DYM: variants seen among roughly 807,000 people sequenced by gnomAD.
DYM encodes dyggve-Melchior-Clausen syndrome protein.
DYM carries 78 observed loss-of-function variants against 93.1 expected under a neutral mutation model. The ratio of observed to expected loss-of-function variants is 0.84; its 90% CI spans 0.70 to 1.01. The LOEUF is 1.01. Ranked by LOEUF, DYM falls within the 50% of genes least tolerant of loss-of-function variation. DYM has a pLI of 0.00. For missense variants in DYM, 789 were observed against 845.0 expected, an observed-to-expected ratio of 0.93 and a Z score of 0.82; for synonymous variants, 321 against 319.7, an observed-to-expected ratio of 1.00 and a Z score of -0.04.
intron 15 of DYM, among the ~76,000 whole-genome samples, chr18:49,136,616 T>G (rs2083877974): frequency 6.6e-6 from 1 of 152,206 alleles, no homozygotes; most frequent in African/African-American, 2.4e-5. Context: ...AATTTTATTT[T>G]CCTGAGAGTC....
intron 9 of DYM, 34 bp from the exon 10 acceptor site, chr18:49,282,209 T>C: frequency 6.4e-7 from 1 of 1,565,820 alleles, no homozygotes; most frequent in South Asian, 1.1e-5. Context: ...CAGTAATTTC[T>C]AGCTGTGCTT....
At chr18:49,275,843 A>G (rs777614249) in intron 10 of DYM, among the ~76,000 whole-genome samples, 5 of 152,048 alleles carry the variant, frequency 3.3e-5, no homozygotes, top group African/African-American at 4.8e-5. Context: ...GAACAGAACT[A>G]TTTTCTTAAC....
chr18:49,289,727 GTATATATATATATATATATA>G (rs386387632), intron 8 of DYM, among the ~76,000 whole-genome samples: 1,196 of 85,080 alleles, frequency 0.014, 41 homozygotes, highest in African/African-American at 0.052. Flanking sequence ...ATATATATGT[GTATATATATATATATATATA>G]TATATATATA....
At chr18:49,237,487 G>A (rs1048673317) in intron 13 of DYM, among the ~76,000 whole-genome samples, 3 of 151,928 alleles carry the variant, frequency 2.0e-5, no homozygotes, top group Non-Finnish European at 4.4e-5. Flanking sequence ...AGGATTACTT[G>A]GAAGCAGACA....
chr18:49,197,345 T>TA (rs1034386275), intron 14 of DYM, among the ~76,000 whole-genome samples: 3 of 151,174 alleles, frequency 2.0e-5, no homozygotes, highest in African/African-American at 4.9e-5. Flanking sequence ...CCAAAAAGCA[T>TA]AAAAAAAATG....
intron 10 of DYM, 144 bp downstream of exon 10, chr18:49,281,853 A>T: frequency 1.4e-6 from 1 of 728,520 alleles, no homozygotes; most frequent in Non-Finnish European, 2.2e-6. Context: ...ACCTAATGTT[A>T]AATGACGAGT....
At chr18:49,212,278 A>C (rs1372858827) in intron 13 of DYM, among the ~76,000 whole-genome samples, 3 of 152,180 alleles carry the variant, frequency 2.0e-5, no homozygotes, top group Non-Finnish European at 2.9e-5. Context: ...TTTTACTTAA[A>C]ATAGTTTTTA....
At chr18:49,220,896 T>C (rs917752545) in intron 13 of DYM, among the ~76,000 whole-genome samples, 2 of 152,072 alleles carry the variant, frequency 1.3e-5, no homozygotes, top group Non-Finnish European at 2.9e-5. Flanking sequence ...AAAGCCAAAG[T>C]TGACAAATGG....
intron 16 of DYM, among the ~76,000 whole-genome samples, chr18:49,118,113 G>A (rs1432156871): frequency 3.4e-5 from 5 of 147,458 alleles, no homozygotes; most frequent in African/African-American, 7.6e-5. Context: ...GGGTTCAAGC[G>A]ATTCTCCTGC....
At chr18:49,303,072 C>G (rs1295146272) in intron 8 of DYM, among the ~76,000 whole-genome samples, 1 of 152,150 alleles carries the variant, frequency 6.6e-6, no homozygotes, top group Non-Finnish European at 1.5e-5. Flanking sequence ...TCCACAGAAC[C>G]CCATATCCAA....
At chr18:49,364,519 GT>G (rs1328757068) in intron 5 of DYM, among the ~76,000 whole-genome samples, 1 of 151,868 alleles carries the variant, frequency 6.6e-6, no homozygotes, top group Non-Finnish European at 1.5e-5. Context: ...TAGTATTGTA[GT>G]TCCAATTTTA....
intron 3 of DYM, among the ~76,000 whole-genome samples, chr18:49,389,872 G>T (rs1268953820): frequency 6.6e-6 from 1 of 151,780 alleles, no homozygotes; most frequent in African/African-American, 2.4e-5. Context: ...TTTTCTCATT[G>T]CTTTGTTATA....
intron 16 of DYM, among the ~76,000 whole-genome samples, chr18:49,109,062 G>T (rs2081155965): frequency 6.6e-6 from 1 of 151,358 alleles, no homozygotes; most frequent in Non-Finnish European, 1.5e-5. Flanking sequence ...CGTAGTAAAA[G>T]TTATTTTATC....
chr18:49,399,460 T>C lies in DYM; in HGVS notation c.141-7815A>G, dbSNP rs574318166. On this transcript the variant is annotated intron_variant, in intron 2 of 17. Transcript: ENST00000675505. ...CAAGTTCAGTCTCTCCATTTTTGTT[T>C]TGGGTATAAACAAAAACCAAAACAG... Among the ~76,000 whole-genome samples, 4 of 152,306 alleles carry C rather than the reference T, an allele frequency of 2.6e-5. No individual in the cohort carries two copies. In the East Asian group the frequency reaches 7.7e-4, roughly 29 times the overall value.
At position 49,037,593 on chromosome 18, in the gene DYM, GT is replaced by G. The variant is rs140347042; in HGVS notation, c.*6461del. Among the ~76,000 whole-genome samples, 13,521 of 152,074 alleles carry G rather than the reference GT, an allele frequency of 0.089. 893 individuals are homozygous for G. The highest frequency in any genetic ancestry group is 0.13 in the Non-Finnish European group (9,054 of 67,978). On this transcript the variant is annotated 3_prime_UTR_variant, in exon 18 of 18. Transcript: ENST00000675505. The stretch of plus-strand genomic sequence containing the variant: ...TTTAAATTTAAAATAAAATTAAAAG[GT>G]CTTCTAAGCATAGTTTTATTTGCAT...
intron 15 of DYM, among the ~76,000 whole-genome samples, chr18:49,133,823 T>C (rs1278419670): frequency 1.3e-5 from 2 of 152,234 alleles, no homozygotes; most frequent in Non-Finnish European, 2.9e-5. Flanking sequence ...TTAAGGTCCA[T>C]AACCTTAGTT....
chr18:49,162,800 T>C (rs1288316103), intron 15 of DYM, among the ~76,000 whole-genome samples: 2 of 152,176 alleles, frequency 1.3e-5, no homozygotes, highest in African/African-American at 4.8e-5. Flanking sequence ...TTTAAGACTT[T>C]AAGACAGCTA....
chr18:49,265,516 C>A (rs562131771), intron 11 of DYM, among the ~76,000 whole-genome samples: 1 of 152,148 alleles, frequency 6.6e-6, no homozygotes, highest in Non-Finnish European at 1.5e-5. Context: ...CAGTGGCTCA[C>A]GCCTGTAATC....
chr18:49,270,796 A>C (rs1256420011), intron 11 of DYM, among the ~76,000 whole-genome samples: 1 of 152,222 alleles, frequency 6.6e-6, no homozygotes, highest in East Asian at 1.9e-4. Context: ...TGTAAGAGGC[A>C]AAAACATGAC....
Sources: allele counts gnomAD v4.1 joint callset (sites outside exome capture counted in the v4.1 genomes callset), GRCh38; gene constraint gnomAD v4.1.1; transcripts MANE v1.5; gene names NCBI Gene and HGNC (gene_info 2026-07-23, HGNC 2026-07-21).